BRINP3: variants seen among roughly 807,000 people sequenced by gnomAD.
The protein encoded by BRINP3 is BMP/retinoic acid inducible neural specific 3, also known as BMP/retinoic acid-inducible neural-specific protein 3.
BRINP3 carries 19 observed loss-of-function variants against 71.0 expected under a neutral mutation model. The ratio of observed to expected loss-of-function variants is 0.27; its 90% CI spans 0.19 to 0.39. BRINP3 has a LOEUF of 0.39. Among genes scored for constraint, BRINP3 ranks in the 10% least tolerant of loss-of-function variants. The probability of loss-of-function intolerance (pLI) is 1.00; values close to 1 mark genes in which losing one functional copy is unlikely to be tolerated. For missense variants in BRINP3, 959 were observed against 940.8 expected, an observed-to-expected ratio of 1.02 and a Z score of -0.25; for synonymous variants, 380 against 337.7, an observed-to-expected ratio of 1.13 and a Z score of -1.37.
intron 2 of BRINP3, among the ~76,000 whole-genome samples, chr1:190,386,190 CTGCACAATG>C (rs1232779131): frequency 1.3e-5 from 2 of 148,254 alleles, no homozygotes; most frequent in Non-Finnish European, 3.0e-5. Context: ...TGTAACTAAC[CTGCACAATG>C]TGCACATGTA....
intron 2 of BRINP3, among the ~76,000 whole-genome samples, chr1:190,363,894 T>C (rs532059322): frequency 2.0e-5 from 3 of 152,072 alleles, no homozygotes; most frequent in Non-Finnish European, 4.4e-5. Context: ...CAACTTTCAA[T>C]GGGAATGCAG....
At chr1:190,327,445 C>A (rs1571758332) in intron 2 of BRINP3, among the ~76,000 whole-genome samples, 3 of 117,296 alleles carry the variant, frequency 2.6e-5, no homozygotes, top group African/African-American at 6.4e-5. Context: ...ACCATAGGCT[C>A]AAAGGAAAAA....
At chr1:190,276,591 CTT>C (rs1662573757) in intron 3 of BRINP3, among the ~76,000 whole-genome samples, 2 of 149,822 alleles carry the variant, frequency 1.3e-5, no homozygotes, top group South Asian at 4.2e-4. Flanking sequence ...TTTTGTAAAA[CTT>C]TTTAGATAAG....
chr1:190,467,451 T>C (rs1676836871), intron 1 of BRINP3, among the ~76,000 whole-genome samples: 2 of 151,504 alleles, frequency 1.3e-5, no homozygotes, highest in South Asian at 4.1e-4. Flanking sequence ...TGTTTTCCAA[T>C]TGCCTCCTTA....
At chr1:190,260,460 A>C (rs1339072209) in intron 4 of BRINP3, among the ~76,000 whole-genome samples, 1 of 152,142 alleles carries the variant, frequency 6.6e-6, no homozygotes, top group Non-Finnish European at 1.5e-5. Flanking sequence ...AATCTTTCCT[A>C]TAAATGTAAA....
At chr1:190,336,038 C>A (rs1667262513) in intron 2 of BRINP3, among the ~76,000 whole-genome samples, 1 of 151,902 alleles carries the variant, frequency 6.6e-6, no homozygotes, top group African/African-American at 2.4e-5. Context: ...GGAATACTAC[C>A]ATGTGATATA....
chr1:190,390,129 A>AT (rs1445526848), intron 2 of BRINP3, among the ~76,000 whole-genome samples: 2 of 151,764 alleles, frequency 1.3e-5, no homozygotes, highest in Non-Finnish European at 2.9e-5. Flanking sequence ...CCAGTGAACA[A>AT]TTACAGCAGG....
At chr1:190,127,709 A>G (rs1654203879) in intron 7 of BRINP3, among the ~76,000 whole-genome samples, 2 of 151,854 alleles carry the variant, frequency 1.3e-5, no homozygotes, top group African/African-American at 4.8e-5. Context: ...TGCACATTTC[A>G]GTTTGTATTT....
intron 2 of BRINP3, among the ~76,000 whole-genome samples, chr1:190,440,728 C>G (rs1674762354): frequency 6.6e-6 from 1 of 151,904 alleles, no homozygotes; most frequent in South Asian, 2.1e-4. Flanking sequence ...CTTCGCCTCT[C>G]CAGTCCAAAT....
intron 2 of BRINP3, among the ~76,000 whole-genome samples, chr1:190,360,782 G>A (rs1031990688): frequency 6.6e-6 from 1 of 151,960 alleles, no homozygotes; most frequent in Non-Finnish European, 1.5e-5. Flanking sequence ...GGTGTGTTGA[G>A]CACAGCAGTT....
intron 7 of BRINP3, among the ~76,000 whole-genome samples, chr1:190,152,303 C>T (rs1414375907): frequency 4.6e-5 from 7 of 151,670 alleles, no homozygotes; most frequent in South Asian, 4.2e-4. Context: ...ACTTTAGTTG[C>T]TTTCTAGTAG....
chr1:190,231,559 C>G (rs1657989833), intron 5 of BRINP3, among the ~76,000 whole-genome samples: 1 of 151,708 alleles, frequency 6.6e-6, no homozygotes. Flanking sequence ...GTTATACTTT[C>G]ACTCAGAGGC....
intron 2 of BRINP3, among the ~76,000 whole-genome samples, chr1:190,300,949 G>C (rs1395503481): frequency 6.6e-6 from 1 of 151,852 alleles, no homozygotes; most frequent in Non-Finnish European, 1.5e-5. Flanking sequence ...CGAGCTGAGA[G>C]AAGAAGGCTT....
At chr1:190,271,013 A>G (rs1333335055) in intron 3 of BRINP3, among the ~76,000 whole-genome samples, 2 of 151,680 alleles carry the variant, frequency 1.3e-5, no homozygotes, top group African/African-American at 4.8e-5. Flanking sequence ...CCAATTGGAC[A>G]TTAGTTTTGC....
chr1:190,301,225 A>ATATATG (rs1664708029), intron 2 of BRINP3, among the ~76,000 whole-genome samples: 2 of 135,662 alleles, frequency 1.5e-5, no homozygotes, highest in African/African-American at 5.9e-5. Context: ...ATATATATAT[A>ATATATG]TATATATATA....
intron 2 of BRINP3, among the ~76,000 whole-genome samples, chr1:190,436,690 G>T (rs1199252637): frequency 6.6e-6 from 1 of 151,604 alleles, no homozygotes; most frequent in Non-Finnish European, 1.5e-5. Context: ...ATTAAATGTA[G>T]GAAATATGCC....
At chr1:190,113,030 G>A (rs1405502132) in intron 7 of BRINP3, among the ~76,000 whole-genome samples, 3 of 152,190 alleles carry the variant, frequency 2.0e-5, no homozygotes, top group Non-Finnish European at 4.4e-5. Flanking sequence ...GGTGAAGGAT[G>A]TTTTAATTAA....
intron 1 of BRINP3, among the ~76,000 whole-genome samples, chr1:190,461,060 A>G (rs893210826): frequency 1.3e-5 from 2 of 152,336 alleles, no homozygotes; most frequent in South Asian, 2.1e-4. Context: ...TGATCTTACT[A>G]AAAAGTTAAA....
At chr1:190,163,249 G>A (rs1258596293) in intron 6 of BRINP3, among the ~76,000 whole-genome samples, 2 of 151,864 alleles carry the variant, frequency 1.3e-5, no homozygotes, top group Non-Finnish European at 2.9e-5. Flanking sequence ...TATCTTATAG[G>A]AATTACCAAA....
Sources: allele counts gnomAD v4.1 joint callset (sites outside exome capture counted in the v4.1 genomes callset), GRCh38; gene constraint gnomAD v4.1.1; transcripts MANE v1.5; gene names NCBI Gene and HGNC (gene_info 2026-07-23, HGNC 2026-07-21).